The following UXS1 variants were observed in gnomAD, a reference collection of about 807,000 sequenced individuals.
The protein encoded by UXS1 is UDP-glucuronic acid decarboxylase 1.
UXS1 carries 33 observed loss-of-function variants against 62.6 expected under a neutral mutation model. The observed-to-expected ratio is 0.53, with a 90% CI of 0.40 to 0.70. The LOEUF (loss-of-function observed/expected upper bound fraction) is 0.70. UXS1 is among the 30% of genes least tolerant of loss of function. The pLI is 0.00. For synonymous variants in UXS1, 213 were observed against 206.8 expected (o/e 1.03, Z -0.26); for missense variants, 434 against 556.3 (o/e 0.78, Z 2.21).
intron 6 of UXS1, among the ~76,000 whole-genome samples, chr2:106,141,483 C>G (rs1681089607): frequency 6.6e-6 from 1 of 152,148 alleles, no homozygotes; most frequent in Admixed American, 6.5e-5. Flanking sequence ...ATTTTTGAGA[C>G]AGGGTCTTAC....
chr2:106,161,345 A>G lies in UXS1; in HGVS notation c.230+2322T>C, dbSNP rs1682884605. On this transcript the variant is annotated intron_variant, in intron 4 of 14. Transcript: ENST00000283148. ...GGGCTCGAACTCCTGGGCTCAAGCCATCAGCCTGCCGAGGCTTCCCAAAGT... is the reference window on the plus strand; with the variant it reads ...GGGCTCGAACTCCTGGGCTCAAGCCGTCAGCCTGCCGAGGCTTCCCAAAGT... Among the ~76,000 whole-genome samples, 3 of 152,148 alleles carry G rather than the reference A, an allele frequency of 2.0e-5. 1 individual carries two copies. The South Asian group carries it at 6.2e-4, about 32-fold the overall frequency.
intron 7 of UXS1, 40 bp from the exon 8 acceptor site, chr2:106,125,719 C>T (rs1679882084): frequency 4.6e-6 from 7 of 1,515,864 alleles, no homozygotes; most frequent in Non-Finnish European, 6.2e-6. Flanking sequence ...ACTGAATTTA[C>T]ATGTGCAGGC....
At chr2:106,125,562 AG>A (rs1309748641) in intron 8 of UXS1, 57 bp downstream of exon 8, 5 of 1,464,720 alleles carry the variant, frequency 3.4e-6, no homozygotes, top group Non-Finnish European at 4.6e-6. Flanking sequence ...CTTCTGAGAC[AG>A]GATGAAAACA....
At chr2:106,095,601 T>G (rs760226570) in intron 14 of UXS1, among the ~76,000 whole-genome samples, 5 of 152,234 alleles carry the variant, frequency 3.3e-5, no homozygotes, top group Non-Finnish European at 7.3e-5. Flanking sequence ...CTACATTTGT[T>G]GAGCACCCAG....
At chr2:106,121,368 A>G (rs1222609071) in intron 9 of UXS1, among the ~76,000 whole-genome samples, 3 of 152,252 alleles carry the variant, frequency 2.0e-5, no homozygotes, top group Non-Finnish European at 1.5e-5. Context: ...TAAAAGCTCA[A>G]TCAAAATGTC....
chr2:106,174,335 A>C (rs537178929), intron 1 of UXS1, among the ~76,000 whole-genome samples: 7 of 152,348 alleles, frequency 4.6e-5, no homozygotes, highest in African/African-American at 1.7e-4. Context: ...AGTCTGAGCA[A>C]ATCTGGAAGC....
At chr2:106,128,165 C>T (rs1299047647) in intron 7 of UXS1, among the ~76,000 whole-genome samples, 1 of 152,058 alleles carries the variant, frequency 6.6e-6, no homozygotes, top group East Asian at 1.9e-4. Context: ...GGGGGCGGGA[C>T]AGAGAGAGTG....
chr2:106,130,860 A>G (rs904582999), intron 6 of UXS1, among the ~76,000 whole-genome samples: 10 of 152,032 alleles, frequency 6.6e-5, no homozygotes, highest in Admixed American at 1.3e-4. Flanking sequence ...TCATATATAT[A>G]TATTTTTTTT....
chr2:106,187,737 A>C (rs1684654527), intron 1 of UXS1, among the ~76,000 whole-genome samples: 1 of 150,060 alleles, frequency 6.7e-6, no homozygotes, highest in Admixed American at 6.6e-5. Context: ...CACAACTGTA[A>C]TTTCCTTTTT....
Position 106,185,294 on chromosome 2 carries a change from CT to C in UXS1, c.94+8853del, listed in dbSNP as rs1320716595. On this transcript the variant is annotated intron_variant, in intron 1 of 14. Transcript: ENST00000283148. ...TTGACTACTTTACCTTGTCCATTTT[CT>C]TAGGAACTATGGTGGAAAATGGGAA... Among the ~76,000 whole-genome samples, 5 of 152,332 alleles carry C rather than the reference CT, an allele frequency of 3.3e-5. No homozygotes were observed. In the East Asian group the frequency reaches 9.6e-4, roughly 29 times the overall value.
Position 106,104,821 on chromosome 2 carries a change from G to A in UXS1, c.896C>T (p.Ser299Phe). 6.2e-7 allele frequency: 1 copy of A among 1,613,948 alleles called. No individual in the cohort carries two copies. The highest frequency in any genetic ancestry group is 8.5e-7 in the Non-Finnish European group (1 of 1,179,890). Residue 299 changes from serine to phenylalanine, a missense_variant, in exon 11 of 15, where the codon TCT becomes TTT. This residue lies in a region of UXS1 where 209 missense variants were observed against 233.3 expected (regional missense o/e 0.90). Transcript: ENST00000283148. ...GACGTACTGGAACGCCCTTGTCTGA[G>A]ACCCGGATCCGTATACCTGGAAGGA... ...GEPLTVYGSG[S>F]QTRAFQYVSD...
intron 9 of UXS1, among the ~76,000 whole-genome samples, chr2:106,113,819 C>T (rs917992558): frequency 6.6e-6 from 1 of 152,230 alleles, no homozygotes; most frequent in African/African-American, 2.4e-5. Context: ...CCCAGGCCTG[C>T]CACTGACTCG....
rs115274988 is a variant in UXS1 at position 106,129,611 on chromosome 2, A to G, written c.577+63T>C. The G allele has an allele frequency of 5.3e-3, 6,895 of 1,306,488 alleles. 24 individuals are homozygous for G. The highest frequency in any genetic ancestry group is 6.4e-3 in the Non-Finnish European group (5,906 of 921,356). 80.9% of individuals were successfully genotyped at this position (1,306,488 alleles called of 1,614,324 possible). A position where few individuals can be genotyped will look rare whatever the true frequency, so the allele number is the denominator to read the frequency against. On this transcript the variant is annotated intron_variant, in intron 7 of 14. Coordinates refer to ENST00000283148, the MANE Select transcript of UXS1 (RefSeq NM_001253875.2). ...ACTCTAGTAGAAGATTCAATGACCT[A>G]TGCTTGTAATCATCTAAAATATTCC...
At chr2:106,138,291 T>C in intron 6 of UXS1, 1 of 985,540 alleles carries the variant, frequency 1.0e-6, no homozygotes, top group Non-Finnish European at 1.2e-6. Context: ...ATCCCTTGCC[T>C]GCACCACTAG....
chr2:106,191,399 C>A (rs979516766), intron 1 of UXS1, among the ~76,000 whole-genome samples: 8 of 152,230 alleles, frequency 5.3e-5, no homozygotes, highest in Non-Finnish European at 4.4e-5. Flanking sequence ...ACACAGACAT[C>A]ACGGTTGAGG....
At chr2:106,174,122 A>T (rs1195567155) in intron 1 of UXS1, among the ~76,000 whole-genome samples, 2 of 151,760 alleles carry the variant, frequency 1.3e-5, no homozygotes, top group Admixed American at 6.6e-5. Context: ...CAATGCCAGC[A>T]GAGGCCCCTG....
At chr2:106,190,297 A>AT (rs1178333837) in intron 1 of UXS1, among the ~76,000 whole-genome samples, 1 of 152,178 alleles carries the variant, frequency 6.6e-6, no homozygotes, top group Non-Finnish European at 1.5e-5. Context: ...CCACATCTAT[A>AT]TAGGAGGGTG....
chr2:106,149,462 G>A (rs1165010325), intron 5 of UXS1, among the ~76,000 whole-genome samples: 1 of 152,184 alleles, frequency 6.6e-6, no homozygotes, highest in African/African-American at 2.4e-5. Flanking sequence ...AGGAGTGAGT[G>A]TGTTATCGTG....
At chr2:106,173,679 T>C (rs1276463955) in intron 1 of UXS1, among the ~76,000 whole-genome samples, 1 of 152,280 alleles carries the variant, frequency 6.6e-6, no homozygotes, top group African/African-American at 2.4e-5. Context: ...CAGCTGAAGA[T>C]AATTTGTAAA....
Sources: gnomAD v4.1 joint callset for allele counts (sites outside exome capture counted in the v4.1 genomes callset) on GRCh38, gnomAD v4.1.1 for gene constraint, gnomAD v4.1.1 regional missense constraint, MANE v1.5 for transcripts, NCBI Gene and HGNC (gene_info 2026-07-23, HGNC 2026-07-21) for gene names.